The following TG variants were observed in gnomAD, a reference collection of about 807,000 sequenced individuals.
The protein encoded by TG is thyroglobulin, also known as thyroid hormones.
In TG, 270 loss-of-function variants were observed where a neutral mutation model predicts 324.7. That is an observed-to-expected ratio of 0.83 (90% CI 0.75 to 0.92). The LOEUF is 0.92. TG is among the 40% of genes least tolerant of loss of function. The pLI is 0.00. For missense variants in TG, 3,591 were observed against 3,456.4 expected (o/e 1.04, Z -0.98); for synonymous variants, 1,401 against 1,327.0 (o/e 1.06, Z -1.21).
At chr8:132,974,211 C>T (rs1223598307) in intron 34 of TG, among the ~76,000 whole-genome samples, 1 of 152,070 alleles carries the variant, frequency 6.6e-6, no homozygotes, top group Admixed American at 6.5e-5. Context: ...CCAGGGTGGC[C>T]TTGAACTCCT....
intron 43 of TG, among the ~76,000 whole-genome samples, chr8:133,104,171 A>G (rs1386116662): frequency 6.6e-6 from 1 of 152,192 alleles, no homozygotes; most frequent in East Asian, 1.9e-4. Flanking sequence ...TAGGAGATCC[A>G]GTGGCCAGTG....
intron 41 of TG, among the ~76,000 whole-genome samples, chr8:133,065,768 T>TAATAAAATAAAATAAAATAA (rs60174705): frequency 9.3e-5 from 14 of 150,808 alleles, no homozygotes; most frequent in African/African-American, 2.9e-4. Context: ...GTCTCAAAAA[T>TAATAAAATAAAATAAAATAA]AATAAAATAA....
chr8:132,935,983 C>A, intron 25 of TG, 119 bp downstream of exon 25: 1 of 782,906 alleles, frequency 1.3e-6, no homozygotes, highest in Non-Finnish European at 2.2e-6. Context: ...CCACTCCACA[C>A]CCTCAGTCTG....
chr8:132,907,001 T>C (rs747347096), intron 17 of TG, 101 bp downstream of exon 17: 2 of 1,229,738 alleles, frequency 1.6e-6, no homozygotes, highest in Non-Finnish European at 2.3e-6. Context: ...CCCACCCAAA[T>C]GTAGCACGCT....
chr8:133,024,348 TTC>T (rs1369096180), intron 40 of TG, among the ~76,000 whole-genome samples: 2 of 123,424 alleles, frequency 1.6e-5, no homozygotes, highest in African/African-American at 7.0e-5. Flanking sequence ...CTTTCTTTCT[TTC>T]TTTCTTTCTT....
Position 132,913,169 on chromosome 8 carries a change from G to T in TG, c.4282G>T (p.Asp1428Tyr), listed in dbSNP as rs1456081611. The T allele has an allele frequency of 1.2e-6, 2 of 1,614,176 alleles. No homozygotes were observed. The highest frequency in any genetic ancestry group is 4.5e-5 in the East Asian group (2 of 44,860). Residue 1428 changes from aspartate (D) to tyrosine (Y), a missense_variant, in exon 20 of 48, where the codon GAC (aspartate) becomes TAC (tyrosine). Coordinates refer to ENST00000220616, the MANE Select transcript of TG (RefSeq NM_003235.5). ...PAETIRFLQGDHFGTSPRTWF... is the reference protein window; with the variant it reads ...PAETIRFLQGYHFGTSPRTWF... ...GGAAACCATCCGCTTCCTCCAAGGGGACCACTTTGGCACCTCTCCCAGGAC... is the reference window on the plus strand; with the variant it reads ...GGAAACCATCCGCTTCCTCCAAGGGTACCACTTTGGCACCTCTCCCAGGAC...
chr8:133,113,801 C>A, intron 44 of TG, 198 bp downstream of exon 44: 1 of 632,416 alleles, frequency 1.6e-6, no homozygotes, highest in Non-Finnish European at 2.7e-6. Context: ...GTGGACCCTG[C>A]TGCCAGGAAA....
chr8:133,038,740 G>A (rs1360395792), intron 41 of TG: 1 of 1,610,912 alleles, frequency 6.2e-7, no homozygotes, highest in Non-Finnish European at 8.5e-7. Flanking sequence ...CCTGCAGTCT[G>A]TGGGCCAGAA....
At position 132,946,037 on chromosome 8, in the gene TG, TACACACACACACAC is replaced by T. The variant is rs5895165; in HGVS notation, c.5234-2716_5234-2703del. On this transcript the variant is annotated intron_variant, in intron 26 of 47. Transcript: ENST00000220616. Reference sequence around the variant, plus strand: ...TAGTGTTTAGATAGGAAAAATATGTTACACACACACACACACACACACACACACACACACACCCT... The same window carrying T: ...TAGTGTTTAGATAGGAAAAATATGTTACACACACACACACACACACACCCT... 6.7e-4 allele frequency among the ~76,000 whole-genome samples: 78 copies of T among 116,986 alleles called. 1 individual carries two copies. Among genetic ancestry groups the T allele is most frequent in the Middle Eastern group, 5.1e-3 (1 of 198 alleles). The allele number at this position is 116,986 out of a possible 152,430, so 76.7% of individuals were successfully genotyped here.
chr8:132,948,600 G>A (rs1825680547), intron 26 of TG, among the ~76,000 whole-genome samples, 176 bp from the exon 27 acceptor site: 1 of 152,176 alleles, frequency 6.6e-6, no homozygotes, highest in Non-Finnish European at 1.5e-5. Flanking sequence ...GACAACTGCA[G>A]GAATCACAGG....
At chr8:133,123,036 C>A (rs1294624153) in intron 45 of TG, among the ~76,000 whole-genome samples, 1 of 152,038 alleles carries the variant, frequency 6.6e-6, no homozygotes, top group Non-Finnish European at 1.5e-5. Context: ...AGAAGCACCC[C>A]TGCCTTCTAC....
chr8:132,908,671 A>G (rs1819051076), intron 18 of TG, among the ~76,000 whole-genome samples: 2 of 152,184 alleles, frequency 1.3e-5, no homozygotes, highest in African/African-American at 4.8e-5. Flanking sequence ...TTCAGGATGC[A>G]GCAGTTAACG....
Position 132,989,934 on chromosome 8 carries a change from A to G in TG, c.6262+6522A>G, listed in dbSNP as rs76051730. ...GCCTCTTGATGCCCCTGCTTGCCCC[A>G]GTAAAGTGAGAATAATGGTGAAATA... On this transcript the variant is annotated intron_variant, in intron 35 of 47. Transcript: ENST00000220616. Among the ~76,000 whole-genome samples, 980 of 152,184 alleles carry G rather than the reference A, an allele frequency of 6.4e-3. 14 individuals carry two copies. The highest frequency in any genetic ancestry group is 0.023 in the African/African-American group (937 of 41,494).
At chr8:132,878,617 A>C (rs1414231417) in intron 5 of TG, among the ~76,000 whole-genome samples, 1 of 151,170 alleles carries the variant, frequency 6.6e-6, no homozygotes, top group Non-Finnish European at 1.5e-5. Context: ...TCAAAAAAAA[A>C]AAACAAAAAA....
intron 44 of TG, among the ~76,000 whole-genome samples, chr8:133,114,090 C>G (rs555408357): frequency 1.3e-5 from 2 of 152,178 alleles, no homozygotes; most frequent in Admixed American, 1.3e-4. Flanking sequence ...TTCCAAAGCT[C>G]CCTCAGCTGA....
chr8:132,990,351 C>T (rs1287201684), intron 35 of TG, among the ~76,000 whole-genome samples: 1 of 151,996 alleles, frequency 6.6e-6, no homozygotes, highest in East Asian at 1.9e-4. Flanking sequence ...TATCTTAATA[C>T]ATGTATACAA....
chr8:133,027,969 C>T (rs1052980500), intron 40 of TG, among the ~76,000 whole-genome samples: 1 of 152,226 alleles, frequency 6.6e-6, no homozygotes, highest in Admixed American at 6.5e-5. Flanking sequence ...TTGCTTTCTG[C>T]CTTACCTAGC....
At chr8:132,876,381 T>C (rs1052895277) in intron 5 of TG, among the ~76,000 whole-genome samples, 2 of 152,092 alleles carry the variant, frequency 1.3e-5, no homozygotes, top group African/African-American at 4.8e-5. Flanking sequence ...GAGGATAAAT[T>C]TGAAAAGGAA....
chr8:133,003,011 C>T (rs1833686051), intron 35 of TG: 2 of 1,030,894 alleles, frequency 1.9e-6, no homozygotes, highest in African/African-American at 1.7e-5. Flanking sequence ...CGAACAACTC[C>T]ATGTTTTCCA....
Sources: gnomAD v4.1 joint callset for allele counts (sites outside exome capture counted in the v4.1 genomes callset) on GRCh38, gnomAD v4.1.1 for gene constraint, MANE v1.5 for transcripts, NCBI Gene and HGNC (gene_info 2026-07-23, HGNC 2026-07-21) for gene names.